ZNF618: variants seen among roughly 807,000 people sequenced by gnomAD.
ZNF618 encodes the protein zinc finger protein 618.
ZNF618 carries 34 observed loss-of-function variants against 103.0 expected under a neutral mutation model. That is an observed-to-expected ratio of 0.33 (90% CI 0.25 to 0.44). The LOEUF (loss-of-function observed/expected upper bound fraction) is 0.44. Ranked by LOEUF, ZNF618 falls within the 20% of genes least tolerant of loss-of-function variation. ZNF618 has a pLI of 1.00. For synonymous variants in ZNF618, 551 were observed against 542.2 expected, an observed-to-expected ratio of 1.02 and a Z score of -0.23; for missense variants, 1,059 against 1,295.4, an observed-to-expected ratio of 0.82 and a Z score of 2.80.
chr9:113,916,072 C>CTGTGTGTGTG (rs34639802), intron 1 of ZNF618, among the ~76,000 whole-genome samples: 49 of 149,800 alleles, frequency 3.3e-4, no homozygotes, highest in Non-Finnish European at 6.2e-4. Context: ...GCGCGTGTGT[C>CTGTGTGTGTG]TGTGTGTGTG....
At chr9:113,936,200 G>A (rs871808) in intron 1 of ZNF618, among the ~76,000 whole-genome samples, 72,711 of 151,908 alleles carry the variant, frequency 0.48, 17,837 homozygotes, top group Non-Finnish European at 0.53. Context: ...GGCTCCAGAG[G>A]CAGACAGACC....
At chr9:113,932,048 A>G (rs1165237106) in intron 1 of ZNF618, among the ~76,000 whole-genome samples, 4 of 152,200 alleles carry the variant, frequency 2.6e-5, no homozygotes, top group African/African-American at 9.7e-5. Flanking sequence ...AGCAGTGAAT[A>G]AGATAAGACT....
intron 12 of ZNF618, chr9:114,035,354 C>G (rs976473815): frequency 3.1e-6 from 2 of 646,236 alleles, no homozygotes; most frequent in South Asian, 6.9e-5. Context: ...GCTGCCCTCC[C>G]GGGCAGACCC....
chr9:114,028,683 A>G (rs1206010843), intron 10 of ZNF618, 50 bp from the exon 11 acceptor site: 1 of 1,523,248 alleles, frequency 6.6e-7, no homozygotes, highest in African/African-American at 1.4e-5. Context: ...GAGGCCACTC[A>G]CTCTGCCGGC....
At position 114,011,843 on chromosome 9, in the gene ZNF618, G is replaced by A. The variant is rs1381060758; in HGVS notation, c.754+3289G>A. Among the ~76,000 whole-genome samples the A allele has an allele frequency of 2.0e-5, 3 of 152,320 alleles. No individual in the cohort carries two copies. In the South Asian group the frequency reaches 6.2e-4, roughly 32 times the overall value. On this transcript the variant is annotated intron_variant, in intron 9 of 14. Coordinates refer to ENST00000374126, the MANE Select transcript of ZNF618 (RefSeq NM_001318042.2). ...GCTAGAAAAGAGAGAGTTGGTCCAAGAAGCCTTGTGGGTTAACTCGCTCTT... is the reference window on the plus strand; with the variant it reads ...GCTAGAAAAGAGAGAGTTGGTCCAAAAAGCCTTGTGGGTTAACTCGCTCTT...
chr9:114,046,272 T>A (rs1289693185), intron 13 of ZNF618, among the ~76,000 whole-genome samples: 2 of 152,202 alleles, frequency 1.3e-5, no homozygotes, highest in African/African-American at 4.8e-5. Context: ...ATGTACATGA[T>A]GGACTGCATA....
At position 113,954,708 on chromosome 9, in the gene ZNF618, C is replaced by A. The variant is rs547752921; in HGVS notation, c.34-14409C>A. On this transcript the variant is annotated intron_variant, in intron 1 of 14. Coordinates refer to ENST00000374126, the MANE Select transcript of ZNF618 (RefSeq NM_001318042.2). ...ACCTCAGTTCCATGCCTTCCTTTTC[C>A]CTGCTGTGCTCTGTATTGCAAGGGA... Among the ~76,000 whole-genome samples, 328 of 152,282 alleles carry A rather than the reference C, an allele frequency of 2.2e-3. 1 individual carries two copies. Among genetic ancestry groups the A allele is most frequent in the African/African-American group, 7.5e-3 (312 of 41,558 alleles).
intron 2 of ZNF618, among the ~76,000 whole-genome samples, chr9:113,984,511 G>A (rs1410125329): frequency 6.6e-6 from 1 of 152,218 alleles, no homozygotes; most frequent in African/African-American, 2.4e-5. Flanking sequence ...GTTCCACCCA[G>A]CCTGCCTGGC....
rs145270059 is a variant in ZNF618, at chr9:113,992,383, C to T, written c.337+3803C>T. ...GAAGGGCCTACCACAACACCTACCTCCTACCTGCTTCTGAAAGTGTATGAA... is the reference window on the plus strand; with the variant it reads ...GAAGGGCCTACCACAACACCTACCTTCTACCTGCTTCTGAAAGTGTATGAA... On this transcript the variant is annotated intron_variant, in intron 3 of 14. Coordinates refer to ENST00000374126, the MANE Select transcript of ZNF618 (RefSeq NM_001318042.2). Among the ~76,000 whole-genome samples, 50 of 152,308 alleles carry T rather than the reference C, an allele frequency of 3.3e-4. No individual in the cohort carries two copies. In the East Asian group the frequency reaches 9.3e-3, roughly 28 times the overall value.
chr9:113,988,706 C>T, intron 3 of ZNF618, 126 bp downstream of exon 3: 2 of 1,363,444 alleles, frequency 1.5e-6, no homozygotes, highest in East Asian at 5.0e-5. Context: ...TGGCTTCCCT[C>T]TGCATTCAGG....
chr9:113,878,414 A>G (rs1180389170), intron 1 of ZNF618, among the ~76,000 whole-genome samples: 2 of 152,244 alleles, frequency 1.3e-5, no homozygotes, highest in Non-Finnish European at 2.9e-5. Context: ...CCTTTGGAAT[A>G]TGAAAGCATA....
intron 7 of ZNF618, 129 bp from the exon 8 acceptor site, chr9:114,008,215 C>G: frequency 7.5e-7 from 1 of 1,336,862 alleles, no homozygotes; most frequent in Non-Finnish European, 1.0e-6. Flanking sequence ...CGGCAGCCCT[C>G]CTGGGCCCCA....
At chr9:113,888,907 G>A (rs571358591) in intron 1 of ZNF618, among the ~76,000 whole-genome samples, 1 of 152,260 alleles carries the variant, frequency 6.6e-6, no homozygotes, top group Admixed American at 6.5e-5. Flanking sequence ...GTAAGCAGGA[G>A]GCCTTTGGAA....
intron 1 of ZNF618, among the ~76,000 whole-genome samples, chr9:113,931,370 C>A (rs949171803): frequency 2.0e-5 from 3 of 152,084 alleles, no homozygotes; most frequent in Admixed American, 2.0e-4. Flanking sequence ...AGGACAGGAG[C>A]CTTTGAGGCA....
In ZNF618 at chr9:113,984,822, T is replaced by A. The variant is rs553336345; in HGVS notation, c.78-3499T>A. On this transcript the variant is annotated intron_variant, in intron 2 of 14. Coordinates refer to ENST00000374126, the MANE Select transcript of ZNF618 (RefSeq NM_001318042.2). ...TGCTTTCTTTACCCCCCGGCTTGAA[T>A]GTGAATACACATCGTTCACTATCAG... 1.4e-4 allele frequency among the ~76,000 whole-genome samples: 22 copies of A among 152,332 alleles called. No individual in the cohort carries two copies. In the South Asian group the frequency reaches 4.6e-3, roughly 32 times the overall value.
At chr9:113,938,551 C>T (rs1834240759) in intron 1 of ZNF618, among the ~76,000 whole-genome samples, 1 of 148,756 alleles carries the variant, frequency 6.7e-6, no homozygotes, top group African/African-American at 2.5e-5. Context: ...GATTCCTCCT[C>T]CCATTATATT....
intron 1 of ZNF618, among the ~76,000 whole-genome samples, chr9:113,886,971 C>CTTTTTTT (rs57000343): frequency 2.7e-5 from 3 of 109,490 alleles, no homozygotes; most frequent in South Asian, 3.0e-4. Flanking sequence ...TTACTTTCTA[C>CTTTTTTT]TTTTTTTTTT....
At chr9:113,896,744 T>C (rs1830070245) in intron 1 of ZNF618, among the ~76,000 whole-genome samples, 1 of 152,190 alleles carries the variant, frequency 6.6e-6, no homozygotes, top group African/African-American at 2.4e-5. Context: ...TTTCTTTTGA[T>C]TTTACCATTT....
At chr9:113,927,050 C>CT (rs1195496249) in intron 1 of ZNF618, among the ~76,000 whole-genome samples, 6 of 152,102 alleles carry the variant, frequency 3.9e-5, no homozygotes, top group African/African-American at 1.4e-4. Flanking sequence ...ATTCCCAAGT[C>CT]TATGTCATAT....
Sources: allele counts gnomAD v4.1 joint callset (sites outside exome capture counted in the v4.1 genomes callset), GRCh38; gene constraint gnomAD v4.1.1; transcripts MANE v1.5; gene names NCBI Gene and HGNC (gene_info 2026-07-23, HGNC 2026-07-21).